Variants in PRSS55 observed in about 807,000 individuals in gnomAD.
PRSS55 encodes probable serine protease UNQ9391/PRO34284.
PRSS55 carries 41 observed loss-of-function variants against 23.6 expected under a neutral mutation model. The observed-to-expected ratio is 1.74, with a 90% CI of 1.35 to 2.26. The LOEUF is 2.26. Ranked by LOEUF, PRSS55 falls within the 30% of genes most tolerant of loss-of-function variation. The probability of loss-of-function intolerance (pLI) is 0.00; values close to 1 mark genes in which losing one functional copy is unlikely to be tolerated. For missense variants in PRSS55, 669 were observed against 439.1 expected (o/e 1.52, Z -4.68); for synonymous variants, 262 against 175.5 (o/e 1.49, Z -3.90).
At chr8:10,545,232 C>T (rs1446277191) in intron 4 of PRSS55, 1 of 148,862 alleles carries the variant, frequency 6.7e-6, no homozygotes, top group East Asian at 2.0e-4. Flanking sequence ...GTGTCTCACT[C>T]TATCACCCAG....
intron 4 of PRSS55, among the ~76,000 whole-genome samples, chr8:10,536,228 A>G (rs1812447713): frequency 6.6e-6 from 1 of 152,200 alleles, no homozygotes; most frequent in South Asian, 2.1e-4. Flanking sequence ...AAAAGAAGAC[A>G]TACATGCAGC....
intron 4 of PRSS55, 46 bp downstream of exon 4, chr8:10,533,094 G>T (rs1446556528): frequency 2.5e-6 from 4 of 1,598,930 alleles, no homozygotes; most frequent in Middle Eastern, 3.3e-4. Flanking sequence ...CTCACCCTCT[G>T]GGAACTGCCA....
intron 1 of PRSS55, among the ~76,000 whole-genome samples, chr8:10,526,476 G>A (rs1317376948): frequency 1.3e-5 from 2 of 152,238 alleles, no homozygotes; most frequent in African/African-American, 2.4e-5. Context: ...CCAGCCTAGG[G>A]TCCACTGCAC....
chr8:10,547,734 CCG>C (rs2117080464), intron 4 of PRSS55: 1 of 140,426 alleles, frequency 7.1e-6, no homozygotes, highest in African/African-American at 2.6e-5. Context: ...CCCCCACCCC[CCG>C]CCCCGCCCCG....
intron 3 of PRSS55, 172 bp downstream of exon 3, chr8:10,531,717 G>C (rs1337590135): frequency 1.3e-5 from 11 of 836,238 alleles, no homozygotes; most frequent in Non-Finnish European, 2.0e-5. Context: ...CCCAAGGTGA[G>C]ACACCAGGTC....
chr8:10,533,787 G>A (rs1344645284), intron 4 of PRSS55, among the ~76,000 whole-genome samples: 2 of 152,114 alleles, frequency 1.3e-5, no homozygotes, highest in African/African-American at 4.8e-5. Context: ...CTTGTCGTTG[G>A]TATAAAACCA....
intron 4 of PRSS55, among the ~76,000 whole-genome samples, chr8:10,551,649 A>G (rs1190942089): frequency 6.6e-6 from 1 of 152,244 alleles, no homozygotes; most frequent in Non-Finnish European, 1.5e-5. Flanking sequence ...CCGATGTGCC[A>G]ATGACAGCGG....
chr8:10,544,609 T>C (rs950686759), intron 4 of PRSS55, among the ~76,000 whole-genome samples: 1 of 152,212 alleles, frequency 6.6e-6, no homozygotes, highest in South Asian at 2.1e-4. Context: ...TTATAGCCTT[T>C]TGTGTCAAGT....
At chr8:10,545,027 T>C in intron 4 of PRSS55, 2 of 985,178 alleles carry the variant, frequency 2.0e-6, no homozygotes, top group South Asian at 4.7e-5. Flanking sequence ...CAGGACATGG[T>C]GGCCTGCACC....
intron 2 of PRSS55, among the ~76,000 whole-genome samples, chr8:10,531,086 G>C (rs908329901): frequency 6.9e-6 from 1 of 145,952 alleles, no homozygotes; most frequent in African/African-American, 2.6e-5. Flanking sequence ...GTCTGGCTGT[G>C]GTCTGCACAC....
At chr8:10,542,188 G>C (rs1563546134), downstream of PRSS55, among the ~76,000 whole-genome samples, 1 of 152,136 alleles carries the variant, frequency 6.6e-6, no homozygotes, top group Non-Finnish European at 1.5e-5. Flanking sequence ...TGTGTCCCAA[G>C]AGAGTTTTCA....
intron 4 of PRSS55, among the ~76,000 whole-genome samples, chr8:10,552,561 C>G (rs558243932): frequency 1.2e-4 from 18 of 152,280 alleles, no homozygotes; most frequent in African/African-American, 4.3e-4. Context: ...ATACAAAAAA[C>G]CCAAACAACT....
Position 10,525,563 on chromosome 8 carries a change from G to C in PRSS55, c.-23G>C. 12 of 1,605,622 alleles carry C rather than the reference G, an allele frequency of 7.5e-6. No individual in the cohort carries two copies. The highest frequency in any genetic ancestry group is 8.5e-6 in the Non-Finnish European group (10 of 1,174,008). On this transcript the variant is annotated 5_prime_UTR_variant, in exon 1 of 5. Transcript: ENST00000328655. ...TCAGCCCTGGCCTCTGTCACCCCCG[G>C]GCCCACAGCACAGCCCAGGGCCATG...
At position 10,546,932 on chromosome 8, in the gene PRSS55, C is replaced by T. The variant is rs889038381; in HGVS notation, c.742-7011C>T. Among the ~76,000 whole-genome samples the T allele has an allele frequency of 1.3e-5, 2 of 152,108 alleles. 1 individual carries two copies. Reference sequence around the variant, plus strand: ...CTGGGCTCAAATGATCCTCCCACCTCAAGCCTCTCAAAGTGCTGGGATTAC... The same window carrying T: ...CTGGGCTCAAATGATCCTCCCACCTTAAGCCTCTCAAAGTGCTGGGATTAC... On this transcript the variant is annotated intron_variant, in intron 4 of 4. Transcript: ENST00000522210.
At chr8:10,533,366 A>C (rs1363624683) in intron 4 of PRSS55, among the ~76,000 whole-genome samples, 1 of 152,224 alleles carries the variant, frequency 6.6e-6, no homozygotes, top group Non-Finnish European at 1.5e-5. Context: ...TGGTATCTAT[A>C]TAAGAAGTCA....
At position 10,525,721 on chromosome 8, in the gene PRSS55, C is replaced by CATG. The variant is rs1811995902; in HGVS notation, c.136_137insATG (p.Pro46delinsHisAla). The CATG allele has an allele frequency of 6.2e-7, 1 of 1,605,864 alleles. No homozygotes were observed. The highest frequency in any genetic ancestry group is 8.5e-7 in the Non-Finnish European group (1 of 1,175,450). The stretch of plus-strand genomic sequence containing the variant: ...AGCCCACCGCCCTCAGCCCCCTCAT[C>CATG]CCCCCAGCCCAGTCAGTGGTGAGTA... On this transcript the variant is annotated protein_altering_variant, in exon 1 of 5. Transcript: ENST00000328655.
intron 4 of PRSS55, chr8:10,544,969 C>G: frequency 1.0e-6 from 1 of 980,102 alleles, no homozygotes; most frequent in Non-Finnish European, 1.2e-6. Context: ...TTAACTTTAA[C>G]AGGGACAGAA....
chr8:10,545,721 A>C (rs558397043), intron 4 of PRSS55, among the ~76,000 whole-genome samples: 21 of 152,322 alleles, frequency 1.4e-4, no homozygotes, highest in Admixed American at 3.9e-4. Context: ...GTTTGAATTG[A>C]GACTGTAGAG....
At chr8:10,532,224 G>T (rs534368452) in intron 3 of PRSS55, among the ~76,000 whole-genome samples, 103 of 152,296 alleles carry the variant, frequency 6.8e-4, no homozygotes, top group African/African-American at 2.4e-3. Context: ...CAACCAGAGG[G>T]GGAAGCGGTG....
Sources: gnomAD v4.1 joint callset for allele counts (sites outside exome capture counted in the v4.1 genomes callset) on GRCh38, gnomAD v4.1.1 for gene constraint, MANE v1.5 for transcripts, NCBI Gene and HGNC (gene_info 2026-07-23, HGNC 2026-07-21) for gene names.